Variants in GLRA3 observed in about 807,000 individuals in gnomAD.
GLRA3 encodes glycine receptor alpha 3, also known as glycine receptor subunit alpha-3.
A neutral mutation model predicts 60.4 loss-of-function variants in GLRA3; 44 were observed. That is an observed-to-expected ratio of 0.73 (90% CI 0.57 to 0.94). The LOEUF is 0.94. GLRA3 is among the 40% of genes least tolerant of loss of function. The pLI, the probability that GLRA3 is intolerant of heterozygous loss-of-function variation, is 0.00. For synonymous variants in GLRA3, 223 were observed against 192.9 expected, an observed-to-expected ratio of 1.16 and a Z score of -1.29; for missense variants, 508 against 564.6, an observed-to-expected ratio of 0.90 and a Z score of 1.02.
At chr4:174,684,753 A>G (rs1217803599) in intron 5 of GLRA3, among the ~76,000 whole-genome samples, 2 of 152,212 alleles carry the variant, frequency 1.3e-5, no homozygotes, top group Non-Finnish European at 2.9e-5. Flanking sequence ...CACATCTGTA[A>G]TACCAGCACT....
intron 5 of GLRA3, among the ~76,000 whole-genome samples, chr4:174,705,264 C>G (rs2111061730): frequency 1.4e-5 from 2 of 143,262 alleles, no homozygotes; most frequent in South Asian, 4.5e-4. Flanking sequence ...GTGCCGGGCC[C>G]TTCTGTCTTC....
intron 3 of GLRA3, among the ~76,000 whole-genome samples, chr4:174,761,090 T>C (rs1044706473): frequency 1.3e-5 from 2 of 152,152 alleles, no homozygotes; most frequent in Non-Finnish European, 1.5e-5. Context: ...CATGTATTTG[T>C]ACTGTTTAAT....
At position 174,643,951 on chromosome 4, in the gene GLRA3, C is replaced by T. The variant is rs746289463; in HGVS notation, c.1230G>A (p.Met410Ile). The T allele has an allele frequency of 6.2e-7, 1 of 1,613,980 alleles. No homozygotes were observed. Among genetic ancestry groups the T allele is most frequent in the Non-Finnish European group, 8.5e-7 (1 of 1,179,906 alleles). ...PKGPNHPVQVMPKSPDEMRKV... is the reference protein window; with the variant it reads ...PKGPNHPVQVIPKSPDEMRKV... ...TCCTCATTTCATCAGGACTTTTTGG[C>T]ATTACCTGGACAGGGTGGTTGGGGC... The change falls in exon 10 of 10, where the codon ATG (methionine) becomes ATA (isoleucine). Residue 410 changes from methionine to isoleucine, a missense_variant. Met to Ile is a conservative substitution (Grantham distance 10, BLOSUM62 1). Transcript: ENST00000274093.
At chr4:174,819,362 G>A (rs1010966781) in intron 1 of GLRA3, among the ~76,000 whole-genome samples, 4 of 152,094 alleles carry the variant, frequency 2.6e-5, no homozygotes, top group East Asian at 3.9e-4. Context: ...ACAATACAGC[G>A]TGGATTTATT....
intron 5 of GLRA3, among the ~76,000 whole-genome samples, chr4:174,714,395 AT>A (rs1412276552): frequency 6.6e-6 from 1 of 151,994 alleles, no homozygotes; most frequent in Non-Finnish European, 1.5e-5. Flanking sequence ...CCAAATTTTA[AT>A]TTATTTTATT....
chr4:174,822,320 A>G (rs950023380), intron 1 of GLRA3, among the ~76,000 whole-genome samples: 3 of 152,224 alleles, frequency 2.0e-5, no homozygotes, highest in African/African-American at 7.2e-5. Flanking sequence ...GGACATTATC[A>G]TTTAAAATCA....
At chr4:174,678,871 T>C (rs995912662) in intron 6 of GLRA3, among the ~76,000 whole-genome samples, 2 of 152,176 alleles carry the variant, frequency 1.3e-5, no homozygotes, top group Non-Finnish European at 2.9e-5. Context: ...ATTTATAATA[T>C]CAGTTAAATA....
intron 9 of GLRA3, among the ~76,000 whole-genome samples, chr4:174,647,817 C>G (rs1390236477): frequency 6.6e-6 from 1 of 151,996 alleles, no homozygotes; most frequent in Non-Finnish European, 1.5e-5. Context: ...ATACAAAGTC[C>G]TTGAAACCTG....
intron 3 of GLRA3, among the ~76,000 whole-genome samples, chr4:174,760,866 T>C (rs555036189): frequency 6.6e-6 from 1 of 151,980 alleles, no homozygotes; most frequent in Non-Finnish European, 1.5e-5. Context: ...TATTATGAAA[T>C]ACTGAAATGA....
chr4:174,732,156 A>G (rs1405709454), intron 3 of GLRA3, among the ~76,000 whole-genome samples: 1 of 152,222 alleles, frequency 6.6e-6, no homozygotes, highest in African/African-American at 2.4e-5. Context: ...AGAGACAGAG[A>G]CCATCCTGGC....
intron 7 of GLRA3, among the ~76,000 whole-genome samples, chr4:174,676,682 C>A (rs1240105118): frequency 1.3e-5 from 2 of 151,580 alleles, no homozygotes; most frequent in African/African-American, 4.9e-5. Context: ...AGTATCAGTC[C>A]TAAGAGTGAC....
At chr4:174,813,898 T>A (rs2111376809) in intron 1 of GLRA3, among the ~76,000 whole-genome samples, 1 of 152,334 alleles carries the variant, frequency 6.6e-6, no homozygotes, top group East Asian at 1.9e-4. Flanking sequence ...CTGAAACAGA[T>A]GCCTTGGCGG....
intron 1 of GLRA3, among the ~76,000 whole-genome samples, chr4:174,798,846 G>A (rs531819571): frequency 7.0e-4 from 106 of 152,190 alleles, no homozygotes; most frequent in African/African-American, 2.3e-3. Context: ...CCGTGAACCC[G>A]GGAGGCGGAG....
At chr4:174,791,470 C>T (rs537692353) in intron 1 of GLRA3, among the ~76,000 whole-genome samples, 10 of 152,150 alleles carry the variant, frequency 6.6e-5, no homozygotes, top group Non-Finnish European at 7.4e-5. Flanking sequence ...CCATTGGAAA[C>T]GAATACCAAC....
At chr4:174,648,617 C>CT (rs1732919042) in intron 9 of GLRA3, among the ~76,000 whole-genome samples, 1 of 152,164 alleles carries the variant, frequency 6.6e-6, no homozygotes, top group Non-Finnish European at 1.5e-5. Flanking sequence ...GAAGCCTACC[C>CT]AAACCATATC....
chr4:174,652,432 A>G (rs1298035293), intron 9 of GLRA3, among the ~76,000 whole-genome samples: 2 of 152,148 alleles, frequency 1.3e-5, no homozygotes, highest in African/African-American at 4.8e-5. Context: ...TTAAAAAGTT[A>G]AAGAAGTAGT....
intron 2 of GLRA3, among the ~76,000 whole-genome samples, chr4:174,784,635 A>G (rs1739047653): frequency 6.6e-6 from 1 of 152,162 alleles, no homozygotes; most frequent in East Asian, 1.9e-4. Flanking sequence ...TTTTGAAATA[A>G]TGACTTGGAC....
chr4:174,784,427 C>G (rs2111290619), intron 2 of GLRA3, among the ~76,000 whole-genome samples: 1 of 146,748 alleles, frequency 6.8e-6, no homozygotes, highest in Admixed American at 6.8e-5. Flanking sequence ...TGTAACTAAC[C>G]TGCACAATGT....
At chr4:174,697,045 A>T (rs1735085290) in intron 5 of GLRA3, among the ~76,000 whole-genome samples, 1 of 152,166 alleles carries the variant, frequency 6.6e-6, no homozygotes, top group Non-Finnish European at 1.5e-5. Context: ...AAATCATAAA[A>T]TCTTTGGTGG....
Sources: gnomAD v4.1 joint callset for allele counts (sites outside exome capture counted in the v4.1 genomes callset) on GRCh38, gnomAD v4.1.1 for gene constraint, MANE v1.5 for transcripts, NCBI Gene and HGNC (gene_info 2026-07-23, HGNC 2026-07-21) for gene names.